The following CDH13 variants were observed in gnomAD, a reference collection of about 807,000 sequenced individuals.
CDH13 encodes the protein cadherin 13.
A neutral mutation model predicts 63.8 loss-of-function variants in CDH13; 24 were observed. The observed-to-expected ratio is 0.38, with a 90% CI of 0.27 to 0.53. The LOEUF (loss-of-function observed/expected upper bound fraction) is 0.53, where lower values mean the gene tolerates loss of function less well. Ranked by LOEUF, CDH13 falls within the 20% of genes least tolerant of loss-of-function variation. The probability of loss-of-function intolerance (pLI) is 0.85; values close to 1 mark genes in which losing one functional copy is unlikely to be tolerated. For synonymous variants in CDH13, 503 were observed against 355.3 expected (o/e 1.42, Z -4.67); for missense variants, 1,049 against 903.1 (o/e 1.16, Z -2.07).
intron 1 of CDH13, among the ~76,000 whole-genome samples, chr16:82,795,888 A>G (rs576132089): frequency 1.3e-5 from 2 of 151,784 alleles, no homozygotes; most frequent in African/African-American, 4.8e-5. Context: ...GTGGGACCCC[A>G]CAAAGACTCT....
At position 82,799,255 on chromosome 16, in the gene CDH13, C is replaced by T. The variant is rs567015568; in HGVS notation, c.46-59107C>T. 2.0e-5 allele frequency among the ~76,000 whole-genome samples: 3 copies of T among 152,252 alleles called. No homozygotes were observed. The East Asian group carries it at 5.8e-4, about 29-fold the overall frequency. ...TATTTTTTGTTGTACAGTTCAGTTC[C>T]TTGTACATAATTCATGTGTCAATTG... On this transcript the variant is annotated intron_variant, in intron 1 of 13. Transcript: ENST00000567109.
chr16:83,784,279 C>T (rs1353811221), intron 13 of CDH13, among the ~76,000 whole-genome samples: 2 of 152,078 alleles, frequency 1.3e-5, no homozygotes, highest in African/African-American at 2.4e-5. Flanking sequence ...TCACATAGTA[C>T]AACATTGGAC....
intron 2 of CDH13, among the ~76,000 whole-genome samples, chr16:83,014,752 A>ATATATATATATATATG: frequency 2.4e-5 from 1 of 41,126 alleles, no homozygotes; most frequent in Admixed American, 3.2e-4. Context: ...AAATATATAT[A>ATATATATATATATATG]TATATATATA....
At chr16:83,489,659 C>G (rs931218065) in intron 7 of CDH13, among the ~76,000 whole-genome samples, 46 of 152,250 alleles carry the variant, frequency 3.0e-4, no homozygotes, top group African/African-American at 1.1e-3. Flanking sequence ...AGACTTGGCA[C>G]TTTTTGTAGG....
At position 82,627,054 on chromosome 16, in the gene CDH13, A is replaced by C. The variant is rs761652096; in HGVS notation, c.-39A>C. On this transcript the variant is annotated 5_prime_UTR_variant, in exon 1 of 14. An upstream start codon of the reference 5' UTR is lost. Transcript: ENST00000567109. ...AAATATGCTCAGTGCAGCCGCGTGC[A>C]TGAATGAAAACGCCGCCGGGCGCTT... 48 of 1,576,998 alleles carry C rather than the reference A, an allele frequency of 3.0e-5. No homozygotes were observed. Among genetic ancestry groups the C allele is most frequent in the Non-Finnish European group, 4.0e-5 (46 of 1,161,204 alleles).
chr16:83,362,170 A>C (rs1010338025), intron 6 of CDH13, among the ~76,000 whole-genome samples: 1 of 152,176 alleles, frequency 6.6e-6, no homozygotes, highest in African/African-American at 2.4e-5. Flanking sequence ...GTTTCTTCCA[A>C]AGTGTCAGGC....
chr16:83,441,806 ATACTC>A (rs2072488091), intron 6 of CDH13, among the ~76,000 whole-genome samples: 1 of 152,242 alleles, frequency 6.6e-6, no homozygotes, highest in African/African-American at 2.4e-5. Context: ...TCTGGACCCT[ATACTC>A]TACTCCAAAA....
chr16:83,720,329 T>G (rs1909524432), intron 10 of CDH13, among the ~76,000 whole-genome samples: 2 of 150,402 alleles, frequency 1.3e-5, no homozygotes, highest in African/African-American at 2.4e-5. Flanking sequence ...GCACACACAT[T>G]CACACATGTG....
At chr16:83,196,413 C>G (rs1044189432) in intron 4 of CDH13, among the ~76,000 whole-genome samples, 12 of 151,982 alleles carry the variant, frequency 7.9e-5, no homozygotes, top group African/African-American at 2.9e-4. Flanking sequence ...GGTGTGAACC[C>G]TAAAATGAAA....
intron 5 of CDH13, among the ~76,000 whole-genome samples, chr16:83,260,051 T>C (rs1283695714): frequency 7.5e-6 from 1 of 134,190 alleles, no homozygotes; most frequent in African/African-American, 2.8e-5. Flanking sequence ...TGGCAGGTTC[T>C]CACAGTATAT....
intron 4 of CDH13, among the ~76,000 whole-genome samples, chr16:83,179,904 A>T (rs199846181): frequency 3.7e-4 from 55 of 147,174 alleles, no homozygotes; most frequent in Non-Finnish European, 6.4e-4. Flanking sequence ...TTTTTTTTTT[A>T]ATTTATAAGT....
At chr16:82,741,055 C>G (rs2033904927) in intron 1 of CDH13, among the ~76,000 whole-genome samples, 1 of 152,072 alleles carries the variant, frequency 6.6e-6, no homozygotes, top group Non-Finnish European at 1.5e-5. Context: ...TATACATACT[C>G]TCTCACTCTC....
chr16:83,704,191 C>T (rs962193779), intron 10 of CDH13, among the ~76,000 whole-genome samples: 17 of 152,050 alleles, frequency 1.1e-4, no homozygotes, highest in Non-Finnish European at 2.2e-4. Context: ...AAAACTGCCT[C>T]GAAGGAAGCT....
intron 1 of CDH13, among the ~76,000 whole-genome samples, chr16:82,673,226 T>G (rs1913505371): frequency 6.6e-6 from 1 of 152,082 alleles, no homozygotes; most frequent in South Asian, 2.1e-4. Context: ...GGTGTTTGAT[T>G]AATTTCCCCT....
At position 83,460,571 on chromosome 16, in the gene CDH13, A is replaced by C. The variant is rs540203863; in HGVS notation, c.782-25906A>C. Among the ~76,000 whole-genome samples the C allele has an allele frequency of 1.1e-3, 162 of 152,340 alleles. 1 individual carries two copies. Among genetic ancestry groups the C allele is most frequent in the African/African-American group, 3.6e-3 (150 of 41,580 alleles). Reference sequence around the variant, plus strand: ...TCTCCAGGACATGCATATGTGGAAAACACAGTCTGCAGAAAAATACAAACA... The same window carrying C: ...TCTCCAGGACATGCATATGTGGAAACCACAGTCTGCAGAAAAATACAAACA... On this transcript the variant is annotated intron_variant, in intron 6 of 13. Coordinates refer to ENST00000567109, the MANE Select transcript of CDH13 (RefSeq NM_001257.5).
intron 1 of CDH13, among the ~76,000 whole-genome samples, chr16:82,629,368 G>A (rs1159189630): frequency 6.6e-6 from 1 of 152,192 alleles, no homozygotes; most frequent in Non-Finnish European, 1.5e-5. Flanking sequence ...CATTAGGATA[G>A]TAATTGATAT....
chr16:82,891,890 G>A (rs1325439678), intron 2 of CDH13, among the ~76,000 whole-genome samples: 1 of 152,174 alleles, frequency 6.6e-6, no homozygotes, highest in East Asian at 1.9e-4. Flanking sequence ...CTTGGATACT[G>A]CTGGTCACGT....
intron 8 of CDH13, among the ~76,000 whole-genome samples, chr16:83,650,275 T>C (rs1217487240): frequency 6.6e-6 from 1 of 152,194 alleles, no homozygotes; most frequent in Non-Finnish European, 1.5e-5. Context: ...AATTCAAAAA[T>C]TGTAGGGTAA....
chr16:83,472,788 G>A (rs185966487), intron 6 of CDH13, among the ~76,000 whole-genome samples: 2 of 152,164 alleles, frequency 1.3e-5, no homozygotes, highest in East Asian at 3.9e-4. Context: ...ATCTCCTTTT[G>A]CTCCTTAAAT....
Sources: gnomAD v4.1 joint callset for allele counts (sites outside exome capture counted in the v4.1 genomes callset) on GRCh38, gnomAD v4.1.1 for gene constraint, MANE v1.5 for transcripts, NCBI Gene and HGNC (gene_info 2026-07-23, HGNC 2026-07-21) for gene names.